Variants in ROBO1 observed in about 807,000 individuals in gnomAD.
ROBO1 encodes the protein roundabout guidance receptor 1.
In ROBO1, 149 loss-of-function variants were observed where a neutral mutation model predicts 195.9. The ratio of observed to expected loss-of-function variants is 0.76; its 90% CI spans 0.67 to 0.87. The LOEUF (loss-of-function observed/expected upper bound fraction) is 0.87. Among genes scored for constraint, ROBO1 ranks in the 40% least tolerant of loss-of-function variants. The probability of loss-of-function intolerance (pLI) is 0.00; values close to 1 mark genes in which losing one functional copy is unlikely to be tolerated. For synonymous variants in ROBO1, 816 were observed against 733.2 expected, an observed-to-expected ratio of 1.11 and a Z score of -1.82; for missense variants, 1,933 against 2,068.3, an observed-to-expected ratio of 0.93 and a Z score of 1.27.
At chr3:79,117,605 C>T (rs1310893741) in intron 3 of ROBO1, among the ~76,000 whole-genome samples, 1 of 152,126 alleles carries the variant, frequency 6.6e-6, no homozygotes, top group Non-Finnish European at 1.5e-5. Context: ...TCATGGAAAT[C>T]TTACTTTTGC....
intron 2 of ROBO1, among the ~76,000 whole-genome samples, chr3:79,584,109 A>G (rs142367292): frequency 0.013 from 1,950 of 151,940 alleles, 20 homozygotes; most frequent in Non-Finnish European, 0.021. Context: ...TCACACAAAT[A>G]CAGTCTGTAT....
At chr3:79,194,290 A>G (rs1303311032) in intron 2 of ROBO1, among the ~76,000 whole-genome samples, 2 of 151,714 alleles carry the variant, frequency 1.3e-5, no homozygotes, top group East Asian at 1.9e-4. Flanking sequence ...TGTTGCTCAC[A>G]TTCACAAGAT....
At chr3:79,514,111 G>C (rs1298162767) in intron 2 of ROBO1, among the ~76,000 whole-genome samples, 1 of 152,152 alleles carries the variant, frequency 6.6e-6, no homozygotes, top group Non-Finnish European at 1.5e-5. Context: ...ATGAACCAGA[G>C]GATGTGGGGA....
intron 9 of ROBO1, among the ~76,000 whole-genome samples, chr3:78,686,746 C>T (rs959054290): frequency 3.9e-5 from 6 of 152,214 alleles, no homozygotes; most frequent in Non-Finnish European, 5.9e-5. Flanking sequence ...TTTGGCACCA[C>T]AATAAGCATC....
chr3:78,714,613 T>A, intron 7 of ROBO1, 89 bp from the exon 8 acceptor site: 3 of 1,178,794 alleles, frequency 2.5e-6, no homozygotes, highest in Non-Finnish European at 3.4e-6. Flanking sequence ...AAGCACATGC[T>A]ACATTCTTTT....
At chr3:79,085,318 T>C (rs2079347908) in intron 3 of ROBO1, among the ~76,000 whole-genome samples, 1 of 152,196 alleles carries the variant, frequency 6.6e-6, no homozygotes, top group African/African-American at 2.4e-5. Flanking sequence ...TTTGCCCTGA[T>C]GTCATCATTG....
chr3:79,645,503 A>C (rs1056179455), intron 1 of ROBO1, among the ~76,000 whole-genome samples: 1 of 152,044 alleles, frequency 6.6e-6, no homozygotes, highest in African/African-American at 2.4e-5. Flanking sequence ...CTCTGTCTCT[A>C]AAATAAATAA....
chr3:78,924,513 T>G (rs2039106125), intron 4 of ROBO1, among the ~76,000 whole-genome samples: 1 of 152,108 alleles, frequency 6.6e-6, no homozygotes, highest in African/African-American at 2.4e-5. Flanking sequence ...AAAAAATATT[T>G]GGATCTGACA....
At chr3:78,820,711 C>T (rs114786741) in intron 4 of ROBO1, among the ~76,000 whole-genome samples, 2 of 152,134 alleles carry the variant, frequency 1.3e-5, no homozygotes, top group East Asian at 1.9e-4. Context: ...TCAGCTAGTC[C>T]GAGAAGCCTC....
intron 2 of ROBO1, among the ~76,000 whole-genome samples, chr3:79,140,727 A>G (rs1032648372): frequency 6.6e-6 from 1 of 152,208 alleles, no homozygotes; most frequent in South Asian, 2.1e-4. Flanking sequence ...GAGTTTATAG[A>G]AGAGAAAAAG....
Position 78,973,499 on chromosome 3 carries a change from ATATATATATTATATATATAAGAAG to A in ROBO1, c.173-34596_173-34573del, listed in dbSNP as rs1560068215. 1.2e-4 allele frequency among the ~76,000 whole-genome samples: 17 copies of A among 145,766 alleles called. No homozygotes were observed. The East Asian group carries it at 1.8e-3, about 15-fold the overall frequency. On this transcript the variant is annotated intron_variant, in intron 3 of 30. Coordinates refer to ENST00000464233, the MANE Select transcript of ROBO1 (RefSeq NM_002941.4). Reference sequence around the variant, plus strand: ...ATATATATTATATATATAAGAAGCTATATATATATTATATATATAAGAAGCTATATATAATATATATAAGAATAT... The same window carrying A: ...ATATATATTATATATATAAGAAGCTACTATATATAATATATATAAGAATAT...
At chr3:78,799,063 T>C (rs938090394) in intron 4 of ROBO1, among the ~76,000 whole-genome samples, 1 of 152,108 alleles carries the variant, frequency 6.6e-6, no homozygotes, top group Non-Finnish European at 1.5e-5. Context: ...GATAGATTAT[T>C]ATCATATAGT....
chr3:79,626,220 G>A (rs1369612012), intron 1 of ROBO1, among the ~76,000 whole-genome samples: 2 of 152,314 alleles, frequency 1.3e-5, no homozygotes, highest in African/African-American at 4.8e-5. Flanking sequence ...GCTGAGGTGG[G>A]TGGATCATGA....
Position 79,733,887 on chromosome 3 carries a change from A to G in ROBO1, c.-51+33865T>C, listed in dbSNP as rs141120725. On this transcript the variant is annotated intron_variant, in intron 1 of 30. Coordinates refer to ENST00000464233, the MANE Select transcript of ROBO1 (RefSeq NM_002941.4). ...TCTTAGACATTTTCCCCCTTACATA[A>G]CACTGGTCTGGCTTATTACCTTATG... 2.4e-3 allele frequency among the ~76,000 whole-genome samples: 357 copies of G among 151,728 alleles called. 1 individual carries two copies. The highest frequency in any genetic ancestry group is 2.9e-3 in the Non-Finnish European group (195 of 67,924).
At chr3:78,674,412 A>G (rs2107742351) in intron 10 of ROBO1, among the ~76,000 whole-genome samples, 1 of 152,310 alleles carries the variant, frequency 6.6e-6, no homozygotes, top group Admixed American at 6.5e-5. Context: ...TAATGTATAA[A>G]TACCGGTATT....
chr3:79,534,374 T>G (rs1210526073), intron 2 of ROBO1, among the ~76,000 whole-genome samples: 4 of 151,896 alleles, frequency 2.6e-5, no homozygotes, highest in Admixed American at 2.6e-4. Flanking sequence ...GAGAGCATAG[T>G]TGTCGCTGTC....
intron 3 of ROBO1, among the ~76,000 whole-genome samples, chr3:79,110,475 G>C (rs182419377): frequency 6.6e-6 from 1 of 151,638 alleles, no homozygotes; most frequent in Non-Finnish European, 1.5e-5. Context: ...CCAATTGACC[G>C]AGTAAATCTT....
At chr3:79,173,296 G>T (rs930945456) in intron 2 of ROBO1, among the ~76,000 whole-genome samples, 1 of 152,144 alleles carries the variant, frequency 6.6e-6, no homozygotes, top group Non-Finnish European at 1.5e-5. Context: ...TGGGCTGACC[G>T]AGGCTGGAGC....
intron 1 of ROBO1, among the ~76,000 whole-genome samples, chr3:79,765,931 C>A (rs1208764166): frequency 6.6e-6 from 1 of 152,050 alleles, no homozygotes; most frequent in Non-Finnish European, 1.5e-5. Flanking sequence ...TCTTAACAGG[C>A]CTCTGTAACA....
Sources: allele counts gnomAD v4.1 joint callset (sites outside exome capture counted in the v4.1 genomes callset), GRCh38; gene constraint gnomAD v4.1.1; transcripts MANE v1.5; gene names NCBI Gene and HGNC (gene_info 2026-07-23, HGNC 2026-07-21).